The following NKAIN2 variants were observed in gnomAD, a reference collection of about 807,000 sequenced individuals.
NKAIN2 encodes the protein sodium/potassium transporting ATPase interacting 2.
A neutral mutation model predicts 32.6 loss-of-function variants in NKAIN2; 14 were observed. That is an observed-to-expected ratio of 0.43 (90% CI 0.28 to 0.67). The LOEUF is 0.67. Among genes scored for constraint, NKAIN2 ranks in the 30% least tolerant of loss-of-function variants. NKAIN2 has a pLI of 0.17. For synonymous variants in NKAIN2, 80 were observed against 87.2 expected (o/e 0.92, Z 0.46); for missense variants, 198 against 258.3 (o/e 0.77, Z 1.60).
chr6:124,219,364 G>A (rs935509844), intron 1 of NKAIN2, among the ~76,000 whole-genome samples: 31 of 149,940 alleles, frequency 2.1e-4, no homozygotes, highest in South Asian at 1.3e-3. Context: ...TGCAACCTCC[G>A]CCTCCTGGGT....
chr6:124,339,101 G>C (rs1165095908), intron 2 of NKAIN2, among the ~76,000 whole-genome samples: 1 of 152,158 alleles, frequency 6.6e-6, no homozygotes, highest in African/African-American at 2.4e-5. Context: ...CCAGCATTGT[G>C]GGAGGCCAAG....
At chr6:123,826,757 G>A (rs1475220837) in intron 1 of NKAIN2, among the ~76,000 whole-genome samples, 1 of 151,978 alleles carries the variant, frequency 6.6e-6, no homozygotes, top group Non-Finnish European at 1.5e-5. Context: ...GTGAACTCTT[G>A]GGTTGCTTCT....
intron 3 of NKAIN2, among the ~76,000 whole-genome samples, chr6:124,558,416 T>TC (rs1780558703): frequency 6.6e-6 from 1 of 152,166 alleles, no homozygotes; most frequent in African/African-American, 2.4e-5. Flanking sequence ...TCCATTTTTT[T>TC]TCATCGTTGT....
chr6:123,918,445 T>C (rs1775595966), intron 1 of NKAIN2, among the ~76,000 whole-genome samples: 1 of 152,214 alleles, frequency 6.6e-6, no homozygotes, highest in Admixed American at 6.5e-5. Flanking sequence ...TTTCACTCTG[T>C]TAGTGTTATT....
intron 3 of NKAIN2, among the ~76,000 whole-genome samples, chr6:124,390,031 A>G (rs903257875): frequency 2.0e-5 from 3 of 152,218 alleles, no homozygotes; most frequent in African/African-American, 7.2e-5. Context: ...TAGCACACTC[A>G]GCCTGACAAG....
chr6:124,048,387 A>AATATAATAAATATATAAT (rs1279430847), intron 1 of NKAIN2, among the ~76,000 whole-genome samples: 1 of 152,030 alleles, frequency 6.6e-6, no homozygotes, highest in Non-Finnish European at 1.5e-5. Flanking sequence ...TGGTTTCATG[A>AATATAATAAATATATAAT]ATATAATAAA....
At chr6:124,343,641 G>A (rs574840349) in intron 2 of NKAIN2, among the ~76,000 whole-genome samples, 2 of 150,456 alleles carry the variant, frequency 1.3e-5, no homozygotes, top group East Asian at 2.0e-4. Flanking sequence ...TTTGAGAAGT[G>A]TCTGTTGATA....
intron 4 of NKAIN2, among the ~76,000 whole-genome samples, chr6:124,687,594 T>C (rs1368926327): frequency 5.5e-4 from 71 of 129,304 alleles, no homozygotes; most frequent in Non-Finnish European, 7.8e-4. Context: ...AATATAAATA[T>C]ATATTATGTA....
intron 5 of NKAIN2, among the ~76,000 whole-genome samples, chr6:124,803,906 T>G (rs573035567): frequency 1.3e-5 from 2 of 152,314 alleles, no homozygotes; most frequent in South Asian, 4.1e-4. Context: ...ATCCTACTCA[T>G]AGTGTATTTT....
At chr6:124,415,269 G>C (rs1236910437) in intron 3 of NKAIN2, among the ~76,000 whole-genome samples, 1 of 152,112 alleles carries the variant, frequency 6.6e-6, no homozygotes, top group Non-Finnish European at 1.5e-5. Flanking sequence ...CTACAAATTG[G>C]GGATCCCACT....
intron 1 of NKAIN2, among the ~76,000 whole-genome samples, chr6:124,201,773 T>C (rs1310625532): frequency 6.6e-6 from 1 of 151,988 alleles, no homozygotes. Flanking sequence ...TATCAAATGG[T>C]AGCTAAATGA....
At chr6:124,744,421 T>C (rs1433927720) in intron 4 of NKAIN2, among the ~76,000 whole-genome samples, 1 of 151,904 alleles carries the variant, frequency 6.6e-6, no homozygotes, top group Admixed American at 6.6e-5. Flanking sequence ...TCTTCCTATT[T>C]CATCCAAATG....
intron 3 of NKAIN2, among the ~76,000 whole-genome samples, chr6:124,485,640 A>T (rs930769793): frequency 2.0e-5 from 3 of 152,142 alleles, no homozygotes; most frequent in Non-Finnish European, 4.4e-5. Context: ...GTGATAGCTG[A>T]TTATAATTTC....
At chr6:123,867,938 T>G (rs573320074) in intron 1 of NKAIN2, among the ~76,000 whole-genome samples, 15 of 151,006 alleles carry the variant, frequency 9.9e-5, no homozygotes, top group South Asian at 4.2e-4. Context: ...GCGTGATCTC[T>G]GCTCACTGCA....
chr6:123,911,810 T>C (rs1442030017), intron 1 of NKAIN2, among the ~76,000 whole-genome samples: 4 of 94,296 alleles, frequency 4.2e-5, no homozygotes, highest in African/African-American at 1.7e-4. Flanking sequence ...TGTATATATA[T>C]ATACACACAC....
intron 1 of NKAIN2, among the ~76,000 whole-genome samples, chr6:124,164,549 A>T (rs1266017656): frequency 6.6e-6 from 1 of 152,072 alleles, no homozygotes; most frequent in Admixed American, 6.6e-5. Flanking sequence ...GGTGGTGTCT[A>T]ATTCGATTCC....
intron 1 of NKAIN2, among the ~76,000 whole-genome samples, chr6:123,885,388 T>A (rs1773666261): frequency 6.6e-6 from 1 of 152,128 alleles, no homozygotes; most frequent in South Asian, 2.1e-4. Context: ...TCCTCTACAA[T>A]AACTGTATTT....
chr6:123,915,185 A>C (rs1422851557), intron 1 of NKAIN2, among the ~76,000 whole-genome samples: 1 of 152,150 alleles, frequency 6.6e-6, no homozygotes, highest in East Asian at 1.9e-4. Context: ...CAAAAATCTG[A>C]TATGCACCAA....
At chr6:124,225,676 A>G (rs1186796977) in intron 1 of NKAIN2, among the ~76,000 whole-genome samples, 1 of 151,962 alleles carries the variant, frequency 6.6e-6, no homozygotes, top group Non-Finnish European at 1.5e-5. Flanking sequence ...TAAAAATATG[A>G]GAAACACTTA....
Sources: allele counts gnomAD v4.1 joint callset (sites outside exome capture counted in the v4.1 genomes callset), GRCh38; gene constraint gnomAD v4.1.1; transcripts MANE v1.5; gene names NCBI Gene and HGNC (gene_info 2026-07-23, HGNC 2026-07-21).